The following DLC1 variants were observed in gnomAD, a reference collection of about 807,000 sequenced individuals.
DLC1 encodes rho GTPase-activating protein 7.
A neutral mutation model predicts 140.3 loss-of-function variants in DLC1; 54 were observed. That is an observed-to-expected ratio of 0.38 (90% CI 0.31 to 0.48). DLC1 has a LOEUF of 0.48. Ranked by LOEUF, DLC1 falls within the 20% of genes least tolerant of loss-of-function variation. The probability of loss-of-function intolerance (pLI) is 0.96; values close to 1 mark genes in which losing one functional copy is unlikely to be tolerated. For synonymous variants in DLC1, 986 were observed against 728.1 expected, an observed-to-expected ratio of 1.35 and a Z score of -5.70; for missense variants, 2,536 against 1,907.0, an observed-to-expected ratio of 1.33 and a Z score of -6.14.
chr8:13,446,261 A>G (rs1798772766), intron 2 of DLC1, among the ~76,000 whole-genome samples: 1 of 152,224 alleles, frequency 6.6e-6, no homozygotes, highest in South Asian at 2.1e-4. Flanking sequence ...ATATGATATA[A>G]TGTCTTTTAG....
intron 5 of DLC1, among the ~76,000 whole-genome samples, chr8:13,245,948 C>A (rs548485574): frequency 1.3e-5 from 2 of 152,070 alleles, no homozygotes; most frequent in African/African-American, 2.4e-5. Context: ...GTGATTCACC[C>A]GCCTCAACCC....
intron 2 of DLC1, among the ~76,000 whole-genome samples, chr8:13,426,164 T>C (rs1838574883): frequency 6.6e-6 from 1 of 152,076 alleles, no homozygotes; most frequent in African/African-American, 2.4e-5. Context: ...TGGATACAAA[T>C]TGAAAAGATG....
chr8:13,473,784 T>C lies in DLC1; in HGVS notation c.1023+25265A>G, dbSNP rs948058053. On this transcript the variant is annotated intron_variant, in intron 2 of 17. Transcript: ENST00000276297. ...TAGCATTTTTCCCCTTCGCTAGAGA[T>C]TTTTGGAACTTTGAACTTGAGAGAG... Among the ~76,000 whole-genome samples, 3 of 152,266 alleles carry C rather than the reference T, an allele frequency of 2.0e-5. 1 individual carries two copies.
chr8:13,295,652 A>G (rs1167514939), intron 5 of DLC1, among the ~76,000 whole-genome samples: 1 of 152,222 alleles, frequency 6.6e-6, no homozygotes, highest in Non-Finnish European at 1.5e-5. Flanking sequence ...CAGAAAACAA[A>G]TCAAAGTGCT....
At chr8:13,100,904 GTTTT>G (rs371679768) in intron 8 of DLC1, 134 bp from the exon 9 acceptor site, 1,028 of 589,672 alleles carry the variant, frequency 1.7e-3, no homozygotes, top group South Asian at 3.0e-3. Context: ...TAATTTTAAA[GTTTT>G]TTTTTTTTTT....
chr8:13,264,353 G>A (rs1263353734), intron 5 of DLC1, among the ~76,000 whole-genome samples: 1 of 152,148 alleles, frequency 6.6e-6, no homozygotes, highest in African/African-American at 2.4e-5. Flanking sequence ...GATTACGGGT[G>A]TCAGCTACTG....
At chr8:13,376,961 A>G (rs919558502) in intron 4 of DLC1, among the ~76,000 whole-genome samples, 10 of 152,150 alleles carry the variant, frequency 6.6e-5, no homozygotes, top group Admixed American at 1.3e-4. Flanking sequence ...GAGGAGAAGG[A>G]AAAAAAATCT....
intron 1 of DLC1, among the ~76,000 whole-genome samples, chr8:13,587,139 CAT>C (rs1378280923): frequency 6.6e-6 from 1 of 150,882 alleles, no homozygotes; most frequent in Non-Finnish European, 1.5e-5. Flanking sequence ...GATGGTGGCA[CAT>C]ATACACCACA....
At chr8:13,438,750 T>C (rs762604657) in intron 2 of DLC1, among the ~76,000 whole-genome samples, 1 of 152,182 alleles carries the variant, frequency 6.6e-6, no homozygotes, top group South Asian at 2.1e-4. Flanking sequence ...TCAAATGTCA[T>C]CTCTGTGCAG....
intron 4 of DLC1, among the ~76,000 whole-genome samples, chr8:13,377,796 C>A (rs1836068296): frequency 6.6e-6 from 1 of 151,838 alleles, no homozygotes; most frequent in Non-Finnish European, 1.5e-5. Flanking sequence ...GAATAGGTGG[C>A]GCCTAATGAT....
chr8:13,196,196 G>A (rs1398133986), intron 5 of DLC1, among the ~76,000 whole-genome samples: 1 of 151,766 alleles, frequency 6.6e-6, no homozygotes, highest in Non-Finnish European at 1.5e-5. Flanking sequence ...GAATAGGACT[G>A]GAGAGGTGTT....
chr8:13,546,166 G>T (rs1803642169), intron 1 of DLC1, among the ~76,000 whole-genome samples: 1 of 151,962 alleles, frequency 6.6e-6, no homozygotes, highest in African/African-American at 2.4e-5. Flanking sequence ...GGATGTAATG[G>T]TTTTCTCATA....
chr8:13,593,575 C>T (rs999257534), intron 1 of DLC1, among the ~76,000 whole-genome samples: 3 of 152,020 alleles, frequency 2.0e-5, no homozygotes, highest in South Asian at 4.1e-4. Context: ...GAGATGTGTT[C>T]CTTGAATAAC....
chr8:13,182,085 C>A (rs948787947), intron 5 of DLC1, among the ~76,000 whole-genome samples: 3 of 152,064 alleles, frequency 2.0e-5, no homozygotes, highest in African/African-American at 7.2e-5. Flanking sequence ...CTCTGATGAC[C>A]AGGGATGATG....
intron 1 of DLC1, among the ~76,000 whole-genome samples, chr8:13,547,095 T>A (rs967077178): frequency 6.6e-6 from 1 of 152,110 alleles, no homozygotes; most frequent in Middle Eastern, 3.2e-3. Flanking sequence ...TGTGGAAAAT[T>A]TCACACTATA....
At position 13,494,317 on chromosome 8, in the gene DLC1, C is replaced by T. The variant is rs567427565; in HGVS notation, c.1023+4732G>A. Among the ~76,000 whole-genome samples, 4 of 152,268 alleles carry T rather than the reference C, an allele frequency of 2.6e-5. No homozygotes were observed. In the South Asian group the frequency reaches 8.3e-4, roughly 32 times the overall value. The stretch of plus-strand genomic sequence containing the variant: ...TAATAGAACTTTTAGCAAACATATG[C>T]TTGTCCAGAATGCAGATTCCAATGG... On this transcript the variant is annotated intron_variant, in intron 2 of 17. Coordinates refer to ENST00000276297, the MANE Select transcript of DLC1 (RefSeq NM_182643.3).
Position 13,178,669 on chromosome 8 carries a change from C to T in DLC1, c.1349-63012G>A, listed in dbSNP as rs1281111923. ...GAAGAAGGTTTTTTTTTTTGCAAAACATATAATCAACAATGGTTTCGTATC... is the reference window on the plus strand; with the variant it reads ...GAAGAAGGTTTTTTTTTTTGCAAAATATATAATCAACAATGGTTTCGTATC... On this transcript the variant is annotated intron_variant, in intron 5 of 17. Transcript: ENST00000276297. Among the ~76,000 whole-genome samples, 4 of 133,838 alleles carry T rather than the reference C, an allele frequency of 3.0e-5. No homozygotes were observed. In the East Asian group the frequency reaches 9.2e-4, roughly 31 times the overall value. 87.8% of individuals were successfully genotyped at this position (133,838 alleles called of 152,430 possible).
At chr8:13,222,990 G>T (rs1828628002) in intron 5 of DLC1, among the ~76,000 whole-genome samples, 1 of 151,572 alleles carries the variant, frequency 6.6e-6, no homozygotes, top group African/African-American at 2.4e-5. Context: ...TGGGCTCAAG[G>T]GATCCTCCCA....
At chr8:13,189,671 T>C (rs1428154091) in intron 5 of DLC1, among the ~76,000 whole-genome samples, 1 of 152,016 alleles carries the variant, frequency 6.6e-6, no homozygotes, top group East Asian at 1.9e-4. Context: ...TCACCTGAGG[T>C]TAGGAGTTTG....
Sources: gnomAD v4.1 joint callset for allele counts (sites outside exome capture counted in the v4.1 genomes callset) on GRCh38, gnomAD v4.1.1 for gene constraint, MANE v1.5 for transcripts, NCBI Gene and HGNC (gene_info 2026-07-23, HGNC 2026-07-21) for gene names.